Variants in WDR70 observed in about 807,000 individuals in gnomAD.
The protein encoded by WDR70 is WD repeat-containing protein 70.
WDR70 carries 53 observed loss-of-function variants against 88.6 expected under a neutral mutation model. The ratio of observed to expected loss-of-function variants is 0.60; its 90% CI spans 0.48 to 0.75. The LOEUF (loss-of-function observed/expected upper bound fraction) is 0.75, where lower values mean the gene tolerates loss of function less well. Ranked by LOEUF, WDR70 falls within the 30% of genes least tolerant of loss-of-function variation. The pLI is 0.00. For missense variants in WDR70, 610 were observed against 823.2 expected, an observed-to-expected ratio of 0.74 and a Z score of 3.17; for synonymous variants, 280 against 270.0, an observed-to-expected ratio of 1.04 and a Z score of -0.36.
chr5:37,712,974 G>T (rs1373395226), intron 13 of WDR70, among the ~76,000 whole-genome samples: 2 of 152,110 alleles, frequency 1.3e-5, no homozygotes, highest in African/African-American at 4.8e-5. Context: ...GGCGATGAGT[G>T]AGCCATCGCG....
intron 8 of WDR70, among the ~76,000 whole-genome samples, chr5:37,508,106 A>G (rs2112236119): frequency 6.6e-6 from 1 of 152,240 alleles, no homozygotes; most frequent in Admixed American, 6.5e-5. Flanking sequence ...AGTTAACTGT[A>G]GGTTTTTTGT....
At chr5:37,749,732 A>C (rs1334407543) in intron 17 of WDR70, among the ~76,000 whole-genome samples, 1 of 151,768 alleles carries the variant, frequency 6.6e-6, no homozygotes, top group African/African-American at 2.4e-5. Flanking sequence ...CCTAGTGGGG[A>C]CCAAGGAAAC....
chr5:37,496,597 T>G (rs1394239178), intron 8 of WDR70, among the ~76,000 whole-genome samples: 1 of 152,228 alleles, frequency 6.6e-6, no homozygotes, highest in South Asian at 2.1e-4. Context: ...TAGGGGTAGT[T>G]TTCTTTTATT....
intron 10 of WDR70, among the ~76,000 whole-genome samples, chr5:37,666,051 C>T (rs560357069): frequency 4.5e-4 from 69 of 152,202 alleles, no homozygotes; most frequent in Non-Finnish European, 7.6e-4. Flanking sequence ...AAGGAAGCAT[C>T]GGCTCTCTTT....
intron 5 of WDR70, among the ~76,000 whole-genome samples, chr5:37,420,614 A>G (rs188899982): frequency 7.4e-4 from 113 of 152,122 alleles, no homozygotes; most frequent in Non-Finnish European, 1.2e-3. Context: ...TATTTTTTGT[A>G]CAGATGGGGT....
At chr5:37,510,321 C>CAT (rs1294663046) in intron 8 of WDR70, among the ~76,000 whole-genome samples, 2 of 151,992 alleles carry the variant, frequency 1.3e-5, no homozygotes, top group Admixed American at 6.5e-5. Flanking sequence ...TATACACACT[C>CAT]ATATATATAT....
intron 10 of WDR70, among the ~76,000 whole-genome samples, chr5:37,696,976 T>A (rs1747002664): frequency 6.6e-6 from 1 of 152,230 alleles, no homozygotes; most frequent in Admixed American, 6.5e-5. Flanking sequence ...CCCCCAGCTC[T>A]ACTACTTACT....
intron 5 of WDR70, among the ~76,000 whole-genome samples, chr5:37,422,668 G>T (rs1422452888): frequency 6.6e-6 from 1 of 151,986 alleles, no homozygotes; most frequent in Non-Finnish European, 1.5e-5. Context: ...AGTAGAGACA[G>T]AGTTTCATCA....
At chr5:37,731,285 G>A (rs1748137182) in intron 17 of WDR70, among the ~76,000 whole-genome samples, 1 of 152,174 alleles carries the variant, frequency 6.6e-6, no homozygotes, top group African/African-American at 2.4e-5. Flanking sequence ...TCGAGGGGAA[G>A]CACTGTGTCC....
chr5:37,604,385 T>C (rs1451966976), intron 9 of WDR70, among the ~76,000 whole-genome samples: 1 of 152,238 alleles, frequency 6.6e-6, no homozygotes, highest in African/African-American at 2.4e-5. Context: ...CTCATCTTTG[T>C]TTTTCTGTAT....
intron 9 of WDR70, among the ~76,000 whole-genome samples, chr5:37,584,834 G>A (rs1341019570): frequency 1.3e-5 from 2 of 151,614 alleles, no homozygotes; most frequent in South Asian, 2.1e-4. Context: ...TATCCACTTG[G>A]TCCTATGCTG....
intron 10 of WDR70, among the ~76,000 whole-genome samples, chr5:37,676,217 A>G (rs1039038474): frequency 1.3e-5 from 2 of 151,368 alleles, no homozygotes; most frequent in Admixed American, 6.6e-5. Flanking sequence ...CTAATTGAAT[A>G]CCCTTTATTT....
At chr5:37,461,872 T>C (rs1412130179) in intron 7 of WDR70, among the ~76,000 whole-genome samples, 2 of 152,210 alleles carry the variant, frequency 1.3e-5, no homozygotes, top group African/African-American at 4.8e-5. Context: ...CATTGTTTTT[T>C]GTGCCTGCTG....
At chr5:37,579,450 G>T (rs900016734) in intron 9 of WDR70, among the ~76,000 whole-genome samples, 1 of 151,916 alleles carries the variant, frequency 6.6e-6, no homozygotes, top group Non-Finnish European at 1.5e-5. Context: ...TGGGCGTGGT[G>T]GTGGGTGCCT....
chr5:37,499,664 C>T (rs1740345826), intron 8 of WDR70, among the ~76,000 whole-genome samples: 1 of 149,834 alleles, frequency 6.7e-6, no homozygotes, highest in African/African-American at 2.5e-5. Context: ...AGCCTGGGCT[C>T]AAACGATCCT....
At chr5:37,641,123 T>A (rs1311812517) in intron 10 of WDR70, among the ~76,000 whole-genome samples, 1 of 152,204 alleles carries the variant, frequency 6.6e-6, no homozygotes, top group Non-Finnish European at 1.5e-5. Flanking sequence ...CATGCTTTTT[T>A]CCCCCTGACA....
chr5:37,682,141 C>T (rs1021869025), intron 10 of WDR70, among the ~76,000 whole-genome samples: 1 of 152,030 alleles, frequency 6.6e-6, no homozygotes, highest in Non-Finnish European at 1.5e-5. Context: ...TCAATTTCTT[C>T]CTGGTTTAGT....
chr5:37,564,824 C>A (rs1410302357), intron 9 of WDR70, among the ~76,000 whole-genome samples: 1 of 152,146 alleles, frequency 6.6e-6, no homozygotes, highest in Non-Finnish European at 1.5e-5. Context: ...GCAGTTTTCA[C>A]TTACAGCCTT....
At chr5:37,455,717 A>G (rs1055715910) in intron 7 of WDR70, among the ~76,000 whole-genome samples, 8 of 107,374 alleles carry the variant, frequency 7.5e-5, no homozygotes, top group African/African-American at 2.2e-4. Context: ...TCTTTTAATG[A>G]ACTTTTTAAA....
Sources: gnomAD v4.1 joint callset for allele counts (sites outside exome capture counted in the v4.1 genomes callset) on GRCh38, gnomAD v4.1.1 for gene constraint, MANE v1.5 for transcripts, NCBI Gene and HGNC (gene_info 2026-07-23, HGNC 2026-07-21) for gene names.